FAT3: variants seen among roughly 807,000 people sequenced by gnomAD.
FAT3 encodes the protein protocadherin Fat 3.
A neutral mutation model predicts 310.2 loss-of-function variants in FAT3; 95 were observed. The ratio of observed to expected loss-of-function variants is 0.31; its 90% CI spans 0.26 to 0.36. The LOEUF is 0.36. FAT3 is among the 10% of genes least tolerant of loss of function. FAT3 has a pLI of 1.00. For synonymous variants in FAT3, 2,314 were observed against 2,192.9 expected (o/e 1.06, Z -1.54); for missense variants, 5,408 against 5,715.6 (o/e 0.95, Z 1.74).
intron 2 of FAT3, chr11:92,408,004 G>T: frequency 6.6e-6 from 1 of 152,304 alleles, no homozygotes; most frequent in Non-Finnish European, 1.5e-5. Flanking sequence ...CAGCTGGGCT[G>T]CTGTAACAGA....
At chr11:92,750,149 A>T (rs1945790734) in intron 4 of FAT3, among the ~76,000 whole-genome samples, 2 of 152,188 alleles carry the variant, frequency 1.3e-5, no homozygotes. Flanking sequence ...CTTCATCTTT[A>T]GATTTCTTCC....
intron 1 of FAT3, among the ~76,000 whole-genome samples, chr11:92,241,179 T>C (rs1864657291): frequency 6.6e-6 from 1 of 152,106 alleles, no homozygotes; most frequent in Non-Finnish European, 1.5e-5. Flanking sequence ...ATTACTGAGC[T>C]ATCCTGGGTG....
chr11:92,464,167 C>T (rs963455208), intron 2 of FAT3, among the ~76,000 whole-genome samples: 7 of 152,164 alleles, frequency 4.6e-5, no homozygotes, highest in African/African-American at 2.4e-5. Context: ...CCCTAAAAAT[C>T]ACCTAGTCCA....
chr11:92,233,664 A>C (rs1864287666), intron 1 of FAT3, among the ~76,000 whole-genome samples: 2 of 152,224 alleles, frequency 1.3e-5, no homozygotes, highest in African/African-American at 4.8e-5. Flanking sequence ...AATGGGACTT[A>C]TATTTATATT....
In FAT3 at chr11:92,798,798, C is replaced by A. The variant is rs751840627; in HGVS notation, c.5785C>A (p.His1929Asn). ...CAGCCTAATGGAAGGCAGTTTGGAT[C>A]ATTTTTTAATTGACTCAAACAGTGG... ...TYSLMEGSLDHFLIDSNSGVL... is the reference protein window; with the variant it reads ...TYSLMEGSLDNFLIDSNSGVL... Residue 1929 changes from histidine (H) to asparagine (N), a missense_variant, in exon 10 of 28, where the codon CAT becomes AAT. By Grantham distance (68) the His-to-Asn change is moderately conservative. This residue lies in a region of FAT3 where 4,588 missense variants were observed against 4,809.8 expected (regional missense o/e 0.95). Transcript: ENST00000525166. The A allele has an allele frequency of 6.2e-7, 1 of 1,613,768 alleles. No homozygotes were observed. Among genetic ancestry groups the A allele is most frequent in the Admixed American group, 1.7e-5 (1 of 59,994 alleles).
At chr11:92,544,361 A>G (rs898030476) in intron 3 of FAT3, among the ~76,000 whole-genome samples, 1 of 152,172 alleles carries the variant, frequency 6.6e-6, no homozygotes, top group Non-Finnish European at 1.5e-5. Flanking sequence ...GCTAGAAGGG[A>G]ATAAGTCAAA....
At chr11:92,840,386 GT>G (rs1392154968) in intron 17 of FAT3, among the ~76,000 whole-genome samples, 175 bp from the exon 18 acceptor site, 2 of 152,188 alleles carry the variant, frequency 1.3e-5, no homozygotes, top group Non-Finnish European at 2.9e-5. Flanking sequence ...ACACCAACAT[GT>G]TTTCAGAAGA....
At chr11:92,225,758 T>A (rs1023932795) in intron 1 of FAT3, among the ~76,000 whole-genome samples, 3 of 152,078 alleles carry the variant, frequency 2.0e-5, no homozygotes, top group Non-Finnish European at 4.4e-5. Flanking sequence ...GACTCGGGCT[T>A]GCGGGGCTTG....
intron 3 of FAT3, among the ~76,000 whole-genome samples, chr11:92,603,051 T>C (rs1001307890): frequency 2.0e-5 from 3 of 152,210 alleles, no homozygotes; most frequent in African/African-American, 7.2e-5. Flanking sequence ...TGAGATAGGG[T>C]GATAAATCAT....
chr11:92,763,344 A>G (rs1347383816), intron 5 of FAT3, among the ~76,000 whole-genome samples: 2 of 152,112 alleles, frequency 1.3e-5, no homozygotes, highest in African/African-American at 4.8e-5. Context: ...GAAAAAAAAT[A>G]TAGTAAAACA....
intron 2 of FAT3, among the ~76,000 whole-genome samples, chr11:92,454,282 C>T: frequency 6.6e-6 from 1 of 152,110 alleles, no homozygotes; most frequent in South Asian, 2.1e-4. Context: ...AAAAAGTATG[C>T]AAGTGATAGT....
At chr11:92,607,749 C>A (rs1377920654) in intron 3 of FAT3, among the ~76,000 whole-genome samples, 1 of 152,148 alleles carries the variant, frequency 6.6e-6, no homozygotes, top group African/African-American at 2.4e-5. Flanking sequence ...ACATGAGTCA[C>A]ATTATTTAGT....
Position 92,669,876 on chromosome 11 carries a change from C to T in FAT3, c.3608-27508C>T, listed in dbSNP as rs1410911692. ...ATTATATGAGAGCATGGAAATTAAT[C>T]GCTAGACAGCTGTTACTACTATTAT... On this transcript the variant is annotated intron_variant, in intron 3 of 27. Transcript: ENST00000525166. Among the ~76,000 whole-genome samples the T allele has an allele frequency of 3.9e-5, 6 of 152,264 alleles. No homozygotes were observed. In the East Asian group the frequency reaches 1.2e-3, roughly 29 times the overall value.
intron 2 of FAT3, among the ~76,000 whole-genome samples, chr11:92,448,191 G>T (rs1591304490): frequency 6.6e-6 from 1 of 152,156 alleles, no homozygotes; most frequent in South Asian, 2.1e-4. Context: ...GAAAGTGCTT[G>T]GAACAACATA....
At chr11:92,661,232 G>C (rs1942770121) in intron 3 of FAT3, among the ~76,000 whole-genome samples, 1 of 152,206 alleles carries the variant, frequency 6.6e-6, no homozygotes, top group Admixed American at 6.5e-5. Context: ...TTCAGACACT[G>C]ACTGTCCAAG....
In FAT3 at chr11:92,883,484, C is replaced by A; in HGVS notation, c.12937+91C>A. ...GGACGCTACGGGAAGGGAGAGAGACCCCGCATGCAGAGCATTCGCTATGAC... is the reference window on the plus strand; with the variant it reads ...GGACGCTACGGGAAGGGAGAGAGACACCGCATGCAGAGCATTCGCTATGAC... On this transcript the variant is annotated intron_variant, in intron 24 of 27. Coordinates refer to ENST00000525166, the MANE Select transcript of FAT3 (RefSeq NM_001367949.2). The surrounding 1 kb of genome is among the most constrained non-coding windows in gnomAD (Gnocchi z 4.2). The A allele has an allele frequency of 1.4e-6, 2 of 1,453,620 alleles. No homozygotes were observed. Among genetic ancestry groups the A allele is most frequent in the South Asian group, 1.4e-5 (1 of 73,792 alleles). 90.0% of individuals were successfully genotyped at this position (1,453,620 alleles called of 1,614,324 possible). A position where few individuals can be genotyped will look rare whatever the true frequency, so the allele number is the denominator to read the frequency against.
intron 14 of FAT3, among the ~76,000 whole-genome samples, chr11:92,834,534 C>T (rs1948347909): frequency 1.3e-5 from 2 of 152,224 alleles, no homozygotes; most frequent in African/African-American, 4.8e-5. Context: ...AATCAGAAGA[C>T]ACCTATCAGG....
rs1488073756 is a variant in FAT3 at position 92,894,435 on chromosome 11, A to G, written c.*3322A>G. 1 of 152,206 alleles carries G rather than the reference A, an allele frequency of 6.6e-6. No individual in the cohort carries two copies. The highest frequency in any genetic ancestry group is 1.9e-4 in the East Asian group (1 of 5,196). The allele number at this position is 152,206 out of a possible 1,614,324, so 9.4% of individuals were successfully genotyped here. On this transcript the variant is annotated 3_prime_UTR_variant, in exon 28 of 28. Transcript: ENST00000525166. ...CCTACCCCCTCCACCATGATGAACCATGTGGAAACTATTTAAATCAATTAA... is the reference window on the plus strand; with the variant it reads ...CCTACCCCCTCCACCATGATGAACCGTGTGGAAACTATTTAAATCAATTAA...
At chr11:92,878,834 A>G (rs1298292790) in intron 22 of FAT3, among the ~76,000 whole-genome samples, 1 of 151,772 alleles carries the variant, frequency 6.6e-6, no homozygotes, top group Non-Finnish European at 1.5e-5. Context: ...AGATCCAAAA[A>G]ATAGAAGTTC....
Sources: gnomAD v4.1 joint callset for allele counts (sites outside exome capture counted in the v4.1 genomes callset) on GRCh38, gnomAD v4.1.1 for gene constraint, gnomAD v4.1.1 regional missense constraint, Gnocchi (gnomAD v3.1) non-coding constraint, MANE v1.5 for transcripts, NCBI Gene and HGNC (gene_info 2026-07-23, HGNC 2026-07-21) for gene names.